The following MREG variants were observed in gnomAD, a reference collection of about 807,000 sequenced individuals.
MREG encodes melanoregulin.
MREG carries 31 observed loss-of-function variants against 28.5 expected under a neutral mutation model. The observed-to-expected ratio is 1.09, with a 90% CI of 0.82 to 1.47. MREG has a LOEUF of 1.47. MREG is among the 40% of genes most tolerant of loss of function. The probability of loss-of-function intolerance (pLI) is 0.00; values close to 1 mark genes in which losing one functional copy is unlikely to be tolerated. For missense variants in MREG, 256 were observed against 257.4 expected (o/e 0.99, Z 0.04); for synonymous variants, 106 against 95.2 (o/e 1.11, Z -0.66).
At chr2:215,967,068 T>G (rs1692961907) in intron 2 of MREG, among the ~76,000 whole-genome samples, 2 of 152,218 alleles carry the variant, frequency 1.3e-5, no homozygotes, top group Non-Finnish European at 2.9e-5. Context: ...ACTGAAGCAG[T>G]CCTGGGATTG....
At chr2:216,011,465 T>G (rs2106034683) in intron 1 of MREG, among the ~76,000 whole-genome samples, 1 of 152,346 alleles carries the variant, frequency 6.6e-6, no homozygotes, top group East Asian at 1.9e-4. Context: ...ATATGTATTA[T>G]CTCCTTTCAT....
intron 1 of MREG, among the ~76,000 whole-genome samples, chr2:216,008,367 T>TAGA (rs1694216764): frequency 6.6e-6 from 1 of 152,244 alleles, no homozygotes; most frequent in South Asian, 2.1e-4. Context: ...TTCTATTAGC[T>TAGA]GTTAATAACT....
downstream of MREG, among the ~76,000 whole-genome samples, chr2:215,941,274 G>A (rs997076317): frequency 2.0e-5 from 3 of 152,196 alleles, no homozygotes; most frequent in African/African-American, 7.2e-5. Context: ...ACAGGGACAG[G>A]GAGTCTAAGT....
At chr2:216,012,072 G>A (rs990273103) in intron 1 of MREG, among the ~76,000 whole-genome samples, 2 of 152,168 alleles carry the variant, frequency 1.3e-5, no homozygotes, top group Admixed American at 6.5e-5. Context: ...ACCAAACAGC[G>A]AGGAGTAGAT....
At chr2:215,998,937 T>C (rs370928592) in intron 1 of MREG, among the ~76,000 whole-genome samples, 224 of 152,298 alleles carry the variant, frequency 1.5e-3, no homozygotes, top group African/African-American at 3.6e-3. Context: ...CACAGATTGT[T>C]GTAGGAACAA....
chr2:216,006,651 C>T (rs902311416), intron 1 of MREG, among the ~76,000 whole-genome samples: 19 of 152,204 alleles, frequency 1.2e-4, no homozygotes, highest in Admixed American at 2.6e-4. Flanking sequence ...ATCTGGGCCC[C>T]GGTCTGAGAA....
intron 2 of MREG, among the ~76,000 whole-genome samples, chr2:215,948,097 G>C (rs1692367463): frequency 6.6e-6 from 1 of 152,098 alleles, no homozygotes; most frequent in Non-Finnish European, 1.5e-5. Flanking sequence ...ATGATATTTT[G>C]ACTCCTCTAA....
At chr2:215,965,107 T>C (rs1397799669) in intron 2 of MREG, among the ~76,000 whole-genome samples, 1 of 152,184 alleles carries the variant, frequency 6.6e-6, no homozygotes, top group East Asian at 1.9e-4. Context: ...AGCATCTAAT[T>C]AGCTCAAAAA....
chr2:215,982,099 T>A (rs1378835592), intron 2 of MREG, among the ~76,000 whole-genome samples: 1 of 152,130 alleles, frequency 6.6e-6, no homozygotes. Context: ...GGTGGGTGGA[T>A]CACCTGAGGT....
chr2:215,950,959 C>G (rs780572284), intron 2 of MREG, among the ~76,000 whole-genome samples: 7 of 152,116 alleles, frequency 4.6e-5, no homozygotes, highest in Non-Finnish European at 1.0e-4. Context: ...TTCACAAGAT[C>G]TGGTTGTTTG....
chr2:216,020,824 A>G (rs1694509102), intron 1 of MREG, among the ~76,000 whole-genome samples: 1 of 152,228 alleles, frequency 6.6e-6, no homozygotes, highest in South Asian at 2.1e-4. Context: ...AAGCCCCGCA[A>G]AACACACTAC....
At chr2:215,993,234 T>C (rs556933070) in intron 2 of MREG, among the ~76,000 whole-genome samples, 3 of 152,080 alleles carry the variant, frequency 2.0e-5, no homozygotes, top group Admixed American at 6.5e-5. Flanking sequence ...TGCAGACCAA[T>C]AGAACAGAAC....
At chr2:215,954,505 C>T (rs1429056432) in intron 2 of MREG, among the ~76,000 whole-genome samples, 1 of 136,700 alleles carries the variant, frequency 7.3e-6, no homozygotes, top group Non-Finnish European at 1.6e-5. Context: ...AAGAGTATTG[C>T]TCAAATGTTA....
intron 1 of MREG, among the ~76,000 whole-genome samples, chr2:216,019,660 A>G (rs1254991895): frequency 1.3e-5 from 2 of 151,924 alleles, no homozygotes; most frequent in Admixed American, 6.6e-5. Flanking sequence ...GCCCGCCACC[A>G]TGCCCGGCTA....
At position 215,994,085 on chromosome 2, in the gene MREG, T is replaced by A. The variant is rs181425367; in HGVS notation, c.255+2221A>T. The stretch of plus-strand genomic sequence containing the variant: ...GGGTATATACCCAAAGGATTATAAA[T>A]CATTCTACTATAAAGGCACATGCAC... On this transcript the variant is annotated intron_variant, in intron 2 of 4. Coordinates refer to ENST00000263268, the MANE Select transcript of MREG (RefSeq NM_018000.3). 3.3e-5 allele frequency among the ~76,000 whole-genome samples: 5 copies of A among 152,082 alleles called. No individual in the cohort carries two copies. In the East Asian group the frequency reaches 9.6e-4, roughly 29 times the overall value.
intron 1 of MREG, among the ~76,000 whole-genome samples, chr2:216,028,873 T>C (rs1399935665): frequency 6.6e-6 from 1 of 152,024 alleles, no homozygotes; most frequent in Admixed American, 6.6e-5. Flanking sequence ...GCAAAATTTA[T>C]GTTATATATA....
intron 1 of MREG, among the ~76,000 whole-genome samples, chr2:216,032,637 T>G (rs191839486): frequency 7.1e-4 from 108 of 152,354 alleles, no homozygotes; most frequent in Middle Eastern, 3.4e-3. Flanking sequence ...GCCACACTCA[T>G]GAACCACCAT....
At chr2:216,015,574 TCTAA>T (rs1479110656), upstream of MREG, among the ~76,000 whole-genome samples, 2 of 152,042 alleles carry the variant, frequency 1.3e-5, no homozygotes, top group East Asian at 1.9e-4. Context: ...AACGATATGG[TCTAA>T]CTGAGATGGT....
At chr2:216,030,676 G>A (rs1404600572) in intron 1 of MREG, among the ~76,000 whole-genome samples, 1 of 151,422 alleles carries the variant, frequency 6.6e-6, no homozygotes, top group Non-Finnish European at 1.5e-5. Context: ...CTAAGTAGCT[G>A]GGATTATTAG....
Sources: allele counts gnomAD v4.1 joint callset (sites outside exome capture counted in the v4.1 genomes callset), GRCh38; gene constraint gnomAD v4.1.1; transcripts MANE v1.5; gene names NCBI Gene and HGNC (gene_info 2026-07-23, HGNC 2026-07-21).